The following SLMAP variants were observed in gnomAD, a reference collection of about 807,000 sequenced individuals.
The protein encoded by SLMAP is sarcolemmal membrane-associated protein.
Under a neutral mutation model 128.8 loss-of-function variants are expected in SLMAP, and 44 were observed. The observed-to-expected ratio is 0.34, with a 90% CI of 0.27 to 0.44. The LOEUF is 0.44. Ranked by LOEUF, SLMAP falls within the 20% of genes least tolerant of loss-of-function variation. The probability of loss-of-function intolerance (pLI) is 1.00; values close to 1 mark genes in which losing one functional copy is unlikely to be tolerated. For synonymous variants in SLMAP, 327 were observed against 348.8 expected, an observed-to-expected ratio of 0.94 and a Z score of 0.70; for missense variants, 787 against 985.3, an observed-to-expected ratio of 0.80 and a Z score of 2.69.
At position 57,925,937 on chromosome 3, in the gene SLMAP, A is replaced by C. The variant is rs965170965; in HGVS notation, c.*6+3A>C. The C allele has an allele frequency of 1.3e-6, 2 of 1,546,618 alleles. No individual in the cohort carries two copies. Among genetic ancestry groups the C allele is most frequent in the African/African-American group, 2.7e-5 (2 of 72,914 alleles). ...TCGGTCCATTGTGGTAGAGAAAGGT[A>C]CAAGCACTATTGTTGAGTCCTTGTC... On this transcript the variant is annotated splice_donor_region_variant and intron_variant, in intron 24 of 24. Transcript: ENST00000671191.
intron 2 of SLMAP, among the ~76,000 whole-genome samples, chr3:57,822,628 C>T (rs1459431142): frequency 6.6e-6 from 1 of 152,146 alleles, no homozygotes; most frequent in Non-Finnish European, 1.5e-5. Context: ...CCTGTAGCAG[C>T]CAGGTGATGG....
rs763232154 is a variant in SLMAP at position 57,912,419 on chromosome 3, C to T, written c.1738C>T (p.Arg580Trp). The T allele has an allele frequency of 1.9e-5, 30 of 1,613,232 alleles. No homozygotes were observed. The highest frequency in any genetic ancestry group is 1.7e-5 in the Admixed American group (1 of 59,982). Residue 580 changes from arginine to tryptophan, a missense_variant, in exon 20 of 25, where the codon CGG becomes TGG. Physicochemically the swap from Arg to Trp is moderately radical, Grantham distance 101. Around this residue, in one of 2 missense-constraint regions of SLMAP, gnomAD observed 715 missense variants for 843.6 expected, o/e 0.85. Coordinates refer to ENST00000671191, the MANE Select transcript of SLMAP (RefSeq NM_001377540.1). The stretch of plus-strand genomic sequence containing the variant: ...GTTACACATCGATACTGAGAATCTC[C>T]GGGAGGAGAAGGACAGTGAAATCAC... ...QRLHIDTENL[R>W]EEKDSEITST... is the part of the protein sequence containing the mutation.
intron 13 of SLMAP, among the ~76,000 whole-genome samples, chr3:57,866,481 A>G (rs1174579736): frequency 6.6e-6 from 1 of 152,012 alleles, no homozygotes; most frequent in East Asian, 1.9e-4. Flanking sequence ...CAAGGTCAAA[A>G]CCTTATTTGC....
rs2095701442 is a variant in SLMAP at position 57,880,183 on chromosome 3, T to C, written c.1300+8485T>C. ...TTTGTATGTCATTTTTGTTTTGTTT[T>C]GTTTTGTTTTGTTTTGTTTTGTTTT... On this transcript the variant is annotated intron_variant, in intron 14 of 24. Transcript: ENST00000671191. Among the ~76,000 whole-genome samples, 3 of 146,890 alleles carry C rather than the reference T, an allele frequency of 2.0e-5. No homozygotes were observed. In the South Asian group the frequency reaches 6.5e-4, roughly 32 times the overall value.
chr3:57,776,522 C>CTCTCTCTTT (rs571722815), intron 2 of SLMAP, among the ~76,000 whole-genome samples: 17 of 92,598 alleles, frequency 1.8e-4, no homozygotes, highest in Admixed American at 3.6e-4. Context: ...CTCTCTCTCT[C>CTCTCTCTTT]TTTTTTTTTT....
chr3:57,809,860 C>A (rs1348369938), intron 2 of SLMAP, among the ~76,000 whole-genome samples: 1 of 152,214 alleles, frequency 6.6e-6, no homozygotes, highest in Non-Finnish European at 1.5e-5. Context: ...CTCCTCTTTG[C>A]CTTGCTCACC....
intron 13 of SLMAP, among the ~76,000 whole-genome samples, chr3:57,866,929 T>C (rs1170956003): frequency 6.6e-6 from 1 of 151,906 alleles, no homozygotes; most frequent in Non-Finnish European, 1.5e-5. Flanking sequence ...TCCCAGCACT[T>C]TGGGAGGCCA....
intron 4 of SLMAP, among the ~76,000 whole-genome samples, chr3:57,846,454 T>C (rs1251661419): frequency 6.6e-6 from 1 of 152,200 alleles, no homozygotes; most frequent in Non-Finnish European, 1.5e-5. Flanking sequence ...TTCCAAATTA[T>C]AACCTTGCTT....
chr3:57,878,517 T>C (rs2095655785), intron 14 of SLMAP, among the ~76,000 whole-genome samples: 1 of 152,248 alleles, frequency 6.6e-6, no homozygotes, highest in Non-Finnish European at 1.5e-5. Context: ...ATGTGAATTC[T>C]GATGCACTCT....
intron 3 of SLMAP, among the ~76,000 whole-genome samples, chr3:57,840,959 A>C (rs1208739747): frequency 1.3e-5 from 2 of 152,208 alleles, no homozygotes; most frequent in African/African-American, 4.8e-5. Context: ...ATTTGGGAAT[A>C]GTCAGACCTT....
Position 57,816,632 on chromosome 3 carries a change from G to A in SLMAP, c.199-14751G>A, listed in dbSNP as rs79637843. ...GTGCCTTTTGGAATTTACTGACAGG[G>A]AATGAAACATGGAAAAGATCAGATT... is the stretch of plus-strand genomic sequence containing the variant. On this transcript the variant is annotated intron_variant, in intron 2 of 24. Coordinates refer to ENST00000671191, the MANE Select transcript of SLMAP (RefSeq NM_001377540.1). Among the ~76,000 whole-genome samples the A allele has an allele frequency of 2.0e-5, 3 of 152,198 alleles. No homozygotes were observed. The East Asian group carries it at 5.8e-4, about 29-fold the overall frequency.
chr3:57,869,630 T>TTATATGTA (rs1553900185), intron 13 of SLMAP, among the ~76,000 whole-genome samples: 5 of 75,474 alleles, frequency 6.6e-5, no homozygotes, highest in African/African-American at 2.0e-4. Flanking sequence ...CCCATCTCTA[T>TTATATGTA]TATATATATA....
chr3:57,927,298 A>G lies in SLMAP; in HGVS notation c.*9A>G. 6.2e-7 allele frequency: 1 copy of G among 1,601,704 alleles called. No individual in the cohort carries two copies. Among genetic ancestry groups the G allele is most frequent in the South Asian group, 1.1e-5 (1 of 89,386 alleles). The stretch of plus-strand genomic sequence containing the variant: ...ACTCTTGGTTTCTTTCCACACAGAA[A>G]CCCTGGCCCTGGATGCCCATGTTGG... On this transcript the variant is annotated splice_region_variant and 3_prime_UTR_variant, in exon 25 of 25. Transcript: ENST00000671191.
At chr3:57,903,259 G>A (rs2096440959) in intron 17 of SLMAP, among the ~76,000 whole-genome samples, 2 of 152,120 alleles carry the variant, frequency 1.3e-5, no homozygotes, top group South Asian at 4.1e-4. Flanking sequence ...ATGGCCACAC[G>A]TACCCACAAT....
At chr3:57,874,480 G>T (rs747362561) in intron 14 of SLMAP, among the ~76,000 whole-genome samples, 1 of 150,870 alleles carries the variant, frequency 6.6e-6, no homozygotes, top group East Asian at 2.0e-4. Flanking sequence ...ACTTTTTGCC[G>T]GTAGTCCCAG....
At chr3:57,913,375 G>A (rs1333134495) in intron 21 of SLMAP, 100 bp downstream of exon 21, 1 of 581,816 alleles carries the variant, frequency 1.7e-6, no homozygotes, top group Non-Finnish European at 3.0e-6. Context: ...TTTTACAGGA[G>A]CAAATGTTCA....
chr3:57,911,044 T>C (rs1387405805), intron 19 of SLMAP, among the ~76,000 whole-genome samples: 1 of 152,232 alleles, frequency 6.6e-6, no homozygotes, highest in Non-Finnish European at 1.5e-5. Context: ...TATTGTAGTT[T>C]AATGTCATTA....
rs2077863889 is a variant in SLMAP at position 57,757,861 on chromosome 3, AC to A, written c.198+13del. The A allele has an allele frequency of 6.2e-7, 1 of 1,613,140 alleles. No homozygotes were observed. On this transcript the variant is annotated intron_variant, in intron 2 of 24. Coordinates refer to ENST00000671191, the MANE Select transcript of SLMAP (RefSeq NM_001377540.1). ...ACAAGACGGGCAAGGTAATGTCACC[AC>A]ATTGTCCAGCGGCATTGTTTAACAA...
intron 23 of SLMAP, among the ~76,000 whole-genome samples, chr3:57,925,432 A>G (rs1330694921): frequency 6.6e-6 from 1 of 151,598 alleles, no homozygotes; most frequent in Non-Finnish European, 1.5e-5. Context: ...GGTTCAAGCA[A>G]TTCTCCTGCC....
Sources: gnomAD v4.1 joint callset for allele counts (sites outside exome capture counted in the v4.1 genomes callset) on GRCh38, gnomAD v4.1.1 for gene constraint, gnomAD v4.1.1 regional missense constraint, MANE v1.5 for transcripts, NCBI Gene and HGNC (gene_info 2026-07-23, HGNC 2026-07-21) for gene names.